Variants in SNRPN observed in about 807,000 individuals in gnomAD.
SNRPN encodes the protein small nuclear ribonucleoprotein polypeptide N, also known as small nuclear ribonucleoprotein-associated protein N.
A neutral mutation model predicts 25.2 loss-of-function variants in SNRPN; 7 were observed. The observed-to-expected ratio is 0.28, with a 90% CI of 0.16 to 0.52. SNRPN has a LOEUF of 0.52. Among genes scored for constraint, SNRPN ranks in the 20% least tolerant of loss-of-function variants. SNRPN has a pLI of 0.96. For synonymous variants in SNRPN, 124 were observed against 110.6 expected (o/e 1.12, Z -0.76); for missense variants, 196 against 322.5 (o/e 0.61, Z 3.00).
intron 3 of SNRPN, among the ~76,000 whole-genome samples, chr15:24,940,989 G>GT (rs932472786): frequency 2.0e-5 from 3 of 151,984 alleles, no homozygotes; most frequent in African/African-American, 7.3e-5. Context: ...TTTTGTTTTT[G>GT]TTTTTGTTTT....
chr15:24,881,733 A>G (rs2056705967), intron 1 of SNRPN, among the ~76,000 whole-genome samples: 1 of 152,202 alleles, frequency 6.6e-6, no homozygotes, highest in South Asian at 2.1e-4. Flanking sequence ...TAACAATTAC[A>G]TAAAGTGCAT....
chr15:24,946,079 T>C (rs995029155), intron 3 of SNRPN, among the ~76,000 whole-genome samples: 1 of 152,220 alleles, frequency 6.6e-6, no homozygotes, highest in Non-Finnish European at 1.5e-5. Flanking sequence ...TAAAAACTTC[T>C]TATGGAATAG....
intron 2 of SNRPN, among the ~76,000 whole-genome samples, chr15:24,838,686 G>A (rs1004621759): frequency 3.3e-5 from 5 of 152,066 alleles, no homozygotes; most frequent in African/African-American, 1.2e-4. Context: ...ACTTGTTATA[G>A]ATCTAAACAA....
At chr15:24,846,932 G>A (rs28405860) in intron 2 of SNRPN, among the ~76,000 whole-genome samples, 2,111 of 152,228 alleles carry the variant, frequency 0.014, 52 homozygotes, top group African/African-American at 0.049. Flanking sequence ...CGGGATTGAG[G>A]CTCAGACCCT....
intron 1 of SNRPN, among the ~76,000 whole-genome samples, chr15:24,859,193 G>A (rs1334579682): frequency 1.3e-5 from 2 of 152,152 alleles, no homozygotes; most frequent in East Asian, 1.9e-4. Context: ...CTTTCATGGC[G>A]ACTGGCCAAG....
chr15:24,955,036 G>A lies in SNRPN; in HGVS notation c.-417G>A, dbSNP rs756341117. On this transcript the variant is annotated 5_prime_UTR_variant, in exon 1 of 10. Coordinates refer to ENST00000390687, the MANE Select transcript of SNRPN (RefSeq NM_003097.6). ...TGCCTGACGCATCTGTCTGAGGAGC[G>A]GTCAGTGACGCGATGGAGCGGGCAA... The A allele has an allele frequency of 7.4e-6, 12 of 1,612,992 alleles. No individual in the cohort carries two copies. Among genetic ancestry groups the A allele is most frequent in the South Asian group, 1.1e-5 (1 of 90,982 alleles).
At chr15:24,833,421 G>A (rs7177478) in intron 2 of SNRPN, among the ~76,000 whole-genome samples, 12,316 of 152,040 alleles carry the variant, frequency 0.081, 690 homozygotes, top group Middle Eastern at 0.16. Context: ...GTGAGAATAC[G>A]TAGGTGTTAA....
chr15:24,838,917 G>A lies in SNRPN; in HGVS notation c.-579+9012G>A, dbSNP rs74005366. Among the ~76,000 whole-genome samples the A allele has an allele frequency of 5.1e-3, 780 of 152,030 alleles. 4 individuals are homozygous for A. The highest frequency in any genetic ancestry group is 0.018 in the African/African-American group (743 of 41,386). Reference sequence around the variant, plus strand: ...CACTGCCATAAAATTAGAGTTAGGGGGCCCTTTCTGGGGTTTTATGGTGGC... The same window carrying A: ...CACTGCCATAAAATTAGAGTTAGGGAGCCCTTTCTGGGGTTTTATGGTGGC... On this transcript the variant is annotated intron_variant, in intron 2 of 12. Coordinates refer to the SNRPN transcript ENST00000400100.
intron 2 of SNRPN, chr15:24,909,825 T>C: frequency 8.5e-7 from 1 of 1,177,036 alleles, no homozygotes; most frequent in Non-Finnish European, 1.2e-6. Context: ...ACAAACCCCA[T>C]CCTGCAGAAC....
chr15:24,860,981 T>A (rs2053934969), intron 1 of SNRPN, among the ~76,000 whole-genome samples: 1 of 152,052 alleles, frequency 6.6e-6, no homozygotes, highest in African/African-American at 2.4e-5. Flanking sequence ...ATCCTTGGGG[T>A]TGTTGCAGGG....
At chr15:24,967,498 C>T (rs528098169) in intron 2 of SNRPN, among the ~76,000 whole-genome samples, 3 of 151,990 alleles carry the variant, frequency 2.0e-5, no homozygotes, top group African/African-American at 4.8e-5. Context: ...AAAAATTAGC[C>T]GAGAGTGGTG....
chr15:24,870,872 TTTTG>T (rs924121392), intron 1 of SNRPN, among the ~76,000 whole-genome samples: 6 of 151,652 alleles, frequency 4.0e-5, no homozygotes, highest in Non-Finnish European at 5.9e-5. Flanking sequence ...TTTTTTGGTT[TTTTG>T]TTTGTTTGTT....
chr15:24,932,823 A>G (rs2060963074), intron 3 of SNRPN, among the ~76,000 whole-genome samples: 1 of 151,254 alleles, frequency 6.6e-6, no homozygotes, highest in African/African-American at 2.4e-5. Flanking sequence ...CTAATTTTGT[A>G]TTTTTAGTAG....
chr15:24,940,430 C>G (rs2061481027), intron 3 of SNRPN, among the ~76,000 whole-genome samples: 1 of 152,128 alleles, frequency 6.6e-6, no homozygotes, highest in African/African-American at 2.4e-5. Flanking sequence ...TGTGGATATC[C>G]AGTTTTCCCA....
At chr15:24,965,645 C>T (rs1016943570) in intron 2 of SNRPN, among the ~76,000 whole-genome samples, 15 of 152,122 alleles carry the variant, frequency 9.9e-5, no homozygotes, top group African/African-American at 1.7e-4. Flanking sequence ...GATGATGTAT[C>T]GTGAGTTCGA....
At chr15:24,955,205 C>A (rs2062637655) in intron 1 of SNRPN, 143 bp downstream of exon 1, 3 of 1,161,158 alleles carry the variant, frequency 2.6e-6, no homozygotes, top group Admixed American at 2.0e-5. Context: ...AGAACCAGAT[C>A]CGGAATGTTC....
chr15:24,893,925 A>G (rs985658348), intron 2 of SNRPN, among the ~76,000 whole-genome samples: 1 of 152,172 alleles, frequency 6.6e-6, no homozygotes, highest in Admixed American at 6.5e-5. Flanking sequence ...AAGGAAAAAA[A>G]CCCAATCCGT....
intron 2 of SNRPN, among the ~76,000 whole-genome samples, chr15:24,890,447 C>T (rs7181806): frequency 0.016 from 2,404 of 152,104 alleles, 64 homozygotes; most frequent in African/African-American, 0.056. Context: ...GAGGCTGAGG[C>T]GGGTGGATCA....
rs2062612238 is a variant in SNRPN at position 24,955,062 on chromosome 15, G to A, written c.-391G>A. ...GTCAGTGACGCGATGGAGCGGGCAAGGTCAGCTGTGCCGGTGGCTTCTCTC... is the reference window on the plus strand; with the variant it reads ...GTCAGTGACGCGATGGAGCGGGCAAAGTCAGCTGTGCCGGTGGCTTCTCTC... On this transcript the variant is annotated splice_region_variant and 5_prime_UTR_variant, in exon 1 of 10. Coordinates refer to ENST00000390687, the MANE Select transcript of SNRPN (RefSeq NM_003097.6). 6.2e-7 allele frequency: 1 copy of A among 1,613,506 alleles called. No homozygotes were observed. The highest frequency in any genetic ancestry group is 8.5e-7 in the Non-Finnish European group (1 of 1,180,024).
Sources: allele counts gnomAD v4.1 joint callset (sites outside exome capture counted in the v4.1 genomes callset), GRCh38; gene constraint gnomAD v4.1.1; transcripts MANE v1.5; gene names NCBI Gene and HGNC (gene_info 2026-07-23, HGNC 2026-07-21).